The following TRPS1 variants were observed in gnomAD, a reference collection of about 807,000 sequenced individuals.
The protein encoded by TRPS1 is transcriptional repressor GATA binding 1.
Under a neutral mutation model 101.2 loss-of-function variants are expected in TRPS1, and 6 were observed. The observed-to-expected ratio is 0.06, with a 90% CI of 0.03 to 0.12. The LOEUF is 0.12. TRPS1 is among the 10% of genes least tolerant of loss of function. The pLI, the probability that TRPS1 is intolerant of heterozygous loss-of-function variation, is 1.00. For missense variants in TRPS1, 1,363 were observed against 1,567.0 expected, an observed-to-expected ratio of 0.87 and a Z score of 2.20; for synonymous variants, 578 against 589.8, an observed-to-expected ratio of 0.98 and a Z score of 0.29.
At chr8:115,596,593 T>C (rs889735868) in intron 4 of TRPS1, among the ~76,000 whole-genome samples, 13 of 151,834 alleles carry the variant, frequency 8.6e-5, no homozygotes, top group Admixed American at 3.3e-4. Context: ...TATGATTACA[T>C]ATGATAAAGA....
At chr8:115,523,937 T>C (rs1004305960) in intron 5 of TRPS1, among the ~76,000 whole-genome samples, 2 of 152,154 alleles carry the variant, frequency 1.3e-5, no homozygotes, top group African/African-American at 2.4e-5. Context: ...CAAAATAGTT[T>C]TAAGACTAGT....
chr8:115,474,468 C>A (rs1279339621), intron 5 of TRPS1, among the ~76,000 whole-genome samples: 2 of 152,086 alleles, frequency 1.3e-5, no homozygotes, highest in Non-Finnish European at 2.9e-5. Context: ...CAAGCTCTTT[C>A]TAGCAATGAT....
At chr8:115,548,642 A>G (rs1370068358) in intron 5 of TRPS1, among the ~76,000 whole-genome samples, 2 of 152,184 alleles carry the variant, frequency 1.3e-5, no homozygotes, top group East Asian at 3.9e-4. Flanking sequence ...CCAAGATATA[A>G]AGAGAGAAAG....
chr8:115,448,483 C>A (rs555427675), intron 5 of TRPS1, among the ~76,000 whole-genome samples: 1 of 152,220 alleles, frequency 6.6e-6, no homozygotes, highest in East Asian at 1.9e-4. Flanking sequence ...GCCAAATGGA[C>A]AACATATGGA....
At chr8:115,441,898 A>AGAGAGAGT (rs1554620719) in intron 5 of TRPS1, among the ~76,000 whole-genome samples, 4 of 116,190 alleles carry the variant, frequency 3.4e-5, no homozygotes, top group Non-Finnish European at 5.3e-5. Context: ...AGAGAGAGAG[A>AGAGAGAGT]GTGTGTGTGT....
intron 5 of TRPS1, among the ~76,000 whole-genome samples, chr8:115,462,787 C>G (rs1814219970): frequency 6.6e-6 from 1 of 152,000 alleles, no homozygotes; most frequent in African/African-American, 2.4e-5. Flanking sequence ...GGCCAGGCAA[C>G]TCTGTCTCTA....
chr8:115,638,970 G>A (rs533502510), intron 1 of TRPS1, among the ~76,000 whole-genome samples: 82 of 152,234 alleles, frequency 5.4e-4, no homozygotes, highest in African/African-American at 2.0e-3. Flanking sequence ...AGCACACAAA[G>A]TGGCCACTCT....
intron 1 of TRPS1, among the ~76,000 whole-genome samples, chr8:115,632,414 G>T (rs1484182954): frequency 1.3e-5 from 2 of 151,882 alleles, no homozygotes; most frequent in East Asian, 3.9e-4. Flanking sequence ...TGGATTAGAC[G>T]CCAAGAAACT....
At chr8:115,609,132 C>T (rs1194078327) in intron 3 of TRPS1, among the ~76,000 whole-genome samples, 1 of 152,164 alleles carries the variant, frequency 6.6e-6, no homozygotes, top group Admixed American at 6.6e-5. Flanking sequence ...CGGCATGCAC[C>T]ACCATGCCCA....
rs938986474 is a variant in TRPS1, at chr8:115,587,391, T to C, written c.2310A>G (p.Gly770=). The C allele has an allele frequency of 2.5e-6, 4 of 1,614,098 alleles. No homozygotes were observed. Among genetic ancestry groups the C allele is most frequent in the Non-Finnish European group, 3.4e-6 (4 of 1,180,028 alleles). ...YNLLTPDSKM[G]EPVSESVVKR... is the part of the protein sequence containing the mutation. ...TCACCACACTCTCAGAAACTGGCTC[T>C]CCCATTTTAGAGTCTGGAGTTAGCA... Residue 770 remains glycine (G), a synonymous_variant, in exon 5 of 7, where the codon GGA becomes GGG. Coordinates refer to ENST00000395715, the MANE Select transcript of TRPS1 (RefSeq NM_014112.5).
At chr8:115,514,904 T>C (rs1243789817) in intron 5 of TRPS1, among the ~76,000 whole-genome samples, 1 of 151,796 alleles carries the variant, frequency 6.6e-6, no homozygotes, top group African/African-American at 2.4e-5. Flanking sequence ...TAGTGCCATA[T>C]GTCAATTCCA....
rs1331236908 is a variant in TRPS1 at position 115,619,801 on chromosome 8, G to A, written c.297C>T (p.Phe99=). The A allele has an allele frequency of 6.2e-7, 1 of 1,614,164 alleles. No individual in the cohort carries two copies. Among genetic ancestry groups the A allele is most frequent in the Non-Finnish European group, 8.5e-7 (1 of 1,180,028 alleles). Residue 99 remains phenylalanine (F), a synonymous_variant, in exon 3 of 7, where the codon TTC becomes TTT. Coordinates refer to ENST00000395715, the MANE Select transcript of TRPS1 (RefSeq NM_014112.5). ...CTCCCTTACTGGGGCTTTCATAATT[G>A]AAGCCAGCCTTCTCACTCAGAACTG... ...KSAVLSEKAG[F]NYESPSKGGN...
At chr8:115,601,217 C>T (rs773036035) in intron 4 of TRPS1, among the ~76,000 whole-genome samples, 9 of 152,142 alleles carry the variant, frequency 5.9e-5, no homozygotes, top group Non-Finnish European at 8.8e-5. Context: ...GAATATTTCA[C>T]AGAAATAACA....
chr8:115,439,900 C>A (rs890079852), intron 5 of TRPS1, among the ~76,000 whole-genome samples: 2 of 152,180 alleles, frequency 1.3e-5, no homozygotes, highest in Non-Finnish European at 2.9e-5. Context: ...TGTTTTCTGT[C>A]TTTTCATTCC....
At chr8:115,508,744 T>C (rs1815507526) in intron 5 of TRPS1, among the ~76,000 whole-genome samples, 1 of 151,996 alleles carries the variant, frequency 6.6e-6, no homozygotes, top group South Asian at 2.1e-4. Flanking sequence ...CTTTCTCTTG[T>C]AACTTTGCTA....
chr8:115,594,039 A>G (rs990152972), intron 4 of TRPS1, among the ~76,000 whole-genome samples: 1 of 152,144 alleles, frequency 6.6e-6, no homozygotes, highest in Non-Finnish European at 1.5e-5. Flanking sequence ...AGAAATGGAC[A>G]GTCACAGCTC....
At chr8:115,465,720 T>A (rs936687421) in intron 5 of TRPS1, among the ~76,000 whole-genome samples, 16 of 152,066 alleles carry the variant, frequency 1.1e-4, no homozygotes, top group African/African-American at 3.9e-4. Context: ...ATTTTATCCA[T>A]AAGAACTGAA....
chr8:115,638,659 A>C (rs1586483462), intron 1 of TRPS1, among the ~76,000 whole-genome samples: 1 of 152,104 alleles, frequency 6.6e-6, no homozygotes, highest in South Asian at 2.1e-4. Flanking sequence ...TTACACATAC[A>C]CTCAGGAAAG....
At chr8:115,435,416 G>C (rs1233196254) in intron 5 of TRPS1, among the ~76,000 whole-genome samples, 3 of 152,144 alleles carry the variant, frequency 2.0e-5, no homozygotes, top group Non-Finnish European at 2.9e-5. Flanking sequence ...TGCAGTGAAG[G>C]AAGAGGATTC....
Sources: gnomAD v4.1 joint callset for allele counts (sites outside exome capture counted in the v4.1 genomes callset) on GRCh38, gnomAD v4.1.1 for gene constraint, MANE v1.5 for transcripts, NCBI Gene and HGNC (gene_info 2026-07-23, HGNC 2026-07-21) for gene names.